Variants in TSPAN15 observed in about 807,000 individuals in gnomAD.
TSPAN15 encodes tetraspanin 15.
In TSPAN15, 20 loss-of-function variants were observed where a neutral mutation model predicts 34.5. The observed-to-expected ratio is 0.58, with a 90% CI of 0.41 to 0.84. TSPAN15 has a LOEUF of 0.84. TSPAN15 is among the 40% of genes least tolerant of loss of function. The probability of loss-of-function intolerance (pLI) is 0.00; values close to 1 mark genes in which losing one functional copy is unlikely to be tolerated. For synonymous variants in TSPAN15, 155 were observed against 153.9 expected (o/e 1.01, Z -0.05); for missense variants, 313 against 386.1 (o/e 0.81, Z 1.59).
At chr10:69,463,308 G>A (rs2133071745) in intron 1 of TSPAN15, among the ~76,000 whole-genome samples, 1 of 152,306 alleles carries the variant, frequency 6.6e-6, no homozygotes, top group African/African-American at 2.4e-5. Context: ...CCAGGTCAGT[G>A]AACTGCAGTT....
At chr10:69,537,471 G>A in the TSPAN15 span, among the ~76,000 whole-genome samples, 2 of 152,118 alleles carry the variant, frequency 1.3e-5, no homozygotes, top group South Asian at 2.1e-4. Context: ...ATGGAGGCCC[G>A]AAGTCTGAGA....
the TSPAN15 span, among the ~76,000 whole-genome samples, chr10:69,521,383 A>C: frequency 0.23 from 33,007 of 144,238 alleles, 6,001 homozygotes; most frequent in East Asian, 0.35. Context: ...GGTGGTGCAC[A>C]CCTGTAGTCC....
the TSPAN15 span, among the ~76,000 whole-genome samples, chr10:69,522,141 A>G: frequency 1.4e-5 from 2 of 147,368 alleles, 1 homozygote; most frequent in Non-Finnish European, 3.0e-5. Context: ...TGAGCAAATC[A>G]TTTGAACCTA....
At chr10:69,471,712 C>T (rs1478354856) in intron 1 of TSPAN15, among the ~76,000 whole-genome samples, 2 of 151,928 alleles carry the variant, frequency 1.3e-5, no homozygotes, top group African/African-American at 2.4e-5. Flanking sequence ...CCACCTCAGC[C>T]TCCCAAGTAG....
Position 69,485,182 on chromosome 10 carries a change from T to C in TSPAN15, c.324T>C (p.Ile108=), listed in dbSNP as rs757428916. 9 of 1,614,024 alleles carry C rather than the reference T, an allele frequency of 5.6e-6. No individual in the cohort carries two copies. In the Admixed American group the frequency reaches 1.0e-4, roughly 18 times the overall value. ...ILGICLIMEL[I]GGVVALTFRN... The stretch of plus-strand genomic sequence containing the variant: ...GGATCTGCCTCATCATGGAGCTCAT[T>C]GGTGGCGTGGTGGCCTTGACCTTCC... Residue 108 remains isoleucine, a synonymous_variant, in exon 3 of 8, where the codon ATT becomes ATC. Coordinates refer to ENST00000373290, the MANE Select transcript of TSPAN15 (RefSeq NM_012339.5).
At chr10:69,547,930 A>G in the TSPAN15 span, among the ~76,000 whole-genome samples, 4 of 152,366 alleles carry the variant, frequency 2.6e-5, no homozygotes, top group East Asian at 7.7e-4. Flanking sequence ...GCATTCATCT[A>G]AAAATCTTAA....
chr10:69,466,015 G>A (rs564771553), intron 1 of TSPAN15, among the ~76,000 whole-genome samples: 1 of 152,216 alleles, frequency 6.6e-6, no homozygotes, highest in Admixed American at 6.5e-5. Context: ...GAGGTGGGCC[G>A]GTTGCCACCT....
chr10:69,459,202 G>A (rs1020245225), intron 1 of TSPAN15, among the ~76,000 whole-genome samples: 2 of 124,802 alleles, frequency 1.6e-5, no homozygotes, highest in African/African-American at 5.5e-5. Context: ...TGGAAGGCAG[G>A]AGCATTCAGT....
Position 69,503,751 on chromosome 10 carries a change from GAGA to G in TSPAN15, c.571-684_571-682del, listed in dbSNP as rs534748356. ...GTCTCACTCTCTTCCCTGGTGGTTG[GAGA>G]AGGAGACCCTGCGGGGCACAGGTGG... On this transcript the variant is annotated intron_variant, in intron 5 of 7. Transcript: ENST00000373290. Among the ~76,000 whole-genome samples the G allele has an allele frequency of 1.8e-4, 27 of 152,340 alleles. No homozygotes were observed. In the South Asian group the frequency reaches 5.6e-3, roughly 32 times the overall value.
chr10:69,501,178 A>G (rs1842199074), intron 5 of TSPAN15, among the ~76,000 whole-genome samples: 1 of 152,166 alleles, frequency 6.6e-6, no homozygotes, highest in Non-Finnish European at 1.5e-5. Flanking sequence ...GGGGTTTGAG[A>G]GCCTGTTCAG....
chr10:69,471,561 CTCTCCCCT>C (rs1841506859), intron 1 of TSPAN15, among the ~76,000 whole-genome samples: 1 of 151,952 alleles, frequency 6.6e-6, no homozygotes, highest in Non-Finnish European at 1.5e-5. Flanking sequence ...TTCTCTCTCA[CTCTCCCCT>C]TCTCCCCACC....
Position 69,506,965 on chromosome 10 carries a change from G to T in TSPAN15, c.872G>T (p.Cys291Phe). 1 of 1,608,872 alleles carries T rather than the reference G, an allele frequency of 6.2e-7. No individual in the cohort carries two copies. The highest frequency in any genetic ancestry group is 8.5e-7 in the Non-Finnish European group (1 of 1,178,460). Residue 291 changes from cysteine to phenylalanine, a missense_variant, in exon 8 of 8, where the codon TGC (cysteine) becomes TTC (phenylalanine). Cys to Phe is a radical substitution (Grantham distance 205). Transcript: ENST00000373290. The surrounding 1 kb of genome is among the most constrained non-coding windows in gnomAD (Gnocchi z 4.7). ...GCGGCAGGCACGGGATGCTGCTTGT[G>T]CTACCCCAATTAGGGCCCAGCCTGC... ...VEAAGTGCCL[C>F]YPN
the TSPAN15 span, among the ~76,000 whole-genome samples, chr10:69,531,762 G>A: frequency 2.0e-5 from 3 of 151,942 alleles, no homozygotes; most frequent in African/African-American, 7.3e-5. Context: ...AAAATCACAC[G>A]ATTATCTCAA....
the TSPAN15 span, among the ~76,000 whole-genome samples, chr10:69,530,814 C>CTATATATA: frequency 1.6e-5 from 1 of 61,360 alleles, no homozygotes; most frequent in Non-Finnish European, 3.2e-5. Context: ...CTCTCTCTCT[C>CTATATATA]TCTCTCTATA....
chr10:69,495,417 T>A, intron 3 of TSPAN15, 177 bp from the exon 4 acceptor site: 1 of 589,134 alleles, frequency 1.7e-6, no homozygotes, highest in East Asian at 2.9e-5. Flanking sequence ...ACGGGGAGGA[T>A]GTGTGGGTAG....
the TSPAN15 span, among the ~76,000 whole-genome samples, chr10:69,546,007 A>AC: frequency 5.0e-4 from 76 of 151,890 alleles, no homozygotes; most frequent in African/African-American, 1.8e-3. Flanking sequence ...AAACAAAAAA[A>AC]CCAAACAAAC....
chr10:69,451,916 C>T (rs1295902108), intron 1 of TSPAN15, among the ~76,000 whole-genome samples: 3 of 152,230 alleles, frequency 2.0e-5, no homozygotes, highest in Non-Finnish European at 4.4e-5. Context: ...GACCGAGTGC[C>T]ACCTGGCTCA....
intron 1 of TSPAN15, among the ~76,000 whole-genome samples, chr10:69,455,574 TTTTCTTTCTTTCTTTCTC>T (rs1841075873): frequency 4.4e-5 from 5 of 113,844 alleles, no homozygotes; most frequent in African/African-American, 1.5e-4. Flanking sequence ...TTTCTTTCTC[TTTTCTTTCTTTCTTTCTC>T]TTTCTTTCTT....
At chr10:69,521,485 A>G in the TSPAN15 span, among the ~76,000 whole-genome samples, 3 of 148,066 alleles carry the variant, frequency 2.0e-5, no homozygotes, top group Admixed American at 7.0e-5. Context: ...TGTCTCTACT[A>G]AAAATACAAA....
Sources: gnomAD v4.1 joint callset for allele counts (sites outside exome capture counted in the v4.1 genomes callset) on GRCh38, gnomAD v4.1.1 for gene constraint, Gnocchi (gnomAD v3.1) non-coding constraint, MANE v1.5 for transcripts, NCBI Gene and HGNC (gene_info 2026-07-23, HGNC 2026-07-21) for gene names.